The following ENPP2 variants were observed in gnomAD, a reference collection of about 807,000 sequenced individuals.
The protein encoded by ENPP2 is ectonucleotide pyrophosphatase/phosphodiesterase 2, also known as autotaxin.
A neutral mutation model predicts 120.2 loss-of-function variants in ENPP2; 51 were observed. The ratio of observed to expected loss-of-function variants is 0.42; its 90% CI spans 0.34 to 0.54. The LOEUF is 0.54. Among genes scored for constraint, ENPP2 ranks in the 20% least tolerant of loss-of-function variants. The pLI is 0.04. For synonymous variants in ENPP2, 365 were observed against 366.4 expected, an observed-to-expected ratio of 1.00 and a Z score of 0.04; for missense variants, 920 against 1,066.5, an observed-to-expected ratio of 0.86 and a Z score of 1.91.
At chr8:119,625,797 G>A (rs1372050524) in intron 3 of ENPP2, among the ~76,000 whole-genome samples, 1 of 152,144 alleles carries the variant, frequency 6.6e-6, no homozygotes, top group Non-Finnish European at 1.5e-5. Context: ...CCCCAGAGGT[G>A]TTTTTCTCAA....
chr8:119,626,004 A>G (rs1816247092), intron 3 of ENPP2, among the ~76,000 whole-genome samples: 2 of 152,194 alleles, frequency 1.3e-5, no homozygotes. Flanking sequence ...CTGTACGATA[A>G]GATGAAGTGA....
chr8:119,575,480 G>A (rs868295099), intron 19 of ENPP2, among the ~76,000 whole-genome samples: 20 of 152,114 alleles, frequency 1.3e-4, no homozygotes, highest in Admixed American at 1.2e-3. Context: ...GTTGAGCAAA[G>A]AGTCTCTCTA....
At chr8:119,630,115 T>G (rs1043013800) in intron 2 of ENPP2, among the ~76,000 whole-genome samples, 2 of 147,178 alleles carry the variant, frequency 1.4e-5, no homozygotes, top group South Asian at 4.2e-4. Context: ...ATTTCTTTCT[T>G]TTTTTTTTTT....
intron 23 of ENPP2, among the ~76,000 whole-genome samples, chr8:119,563,427 G>A (rs1304139781): frequency 1.3e-5 from 2 of 152,132 alleles, no homozygotes; most frequent in Non-Finnish European, 2.9e-5. Context: ...GCTAGGGAGT[G>A]TCATTCATTA....
intron 18 of ENPP2, 111 bp downstream of exon 18, chr8:119,582,307 T>C (rs1195291406): frequency 1.3e-6 from 1 of 793,978 alleles, no homozygotes; most frequent in African/African-American, 1.7e-5. Context: ...GTAGCTACCA[T>C]TTTGGACAGC....
chr8:119,597,041 C>T (rs563232905), intron 11 of ENPP2, among the ~76,000 whole-genome samples: 1 of 151,410 alleles, frequency 6.6e-6, no homozygotes, highest in Non-Finnish European at 1.5e-5. Flanking sequence ...CAGGAAGGGG[C>T]GGGAGGAGGA....
chr8:119,667,963 CT>C (rs1420563135), intron 1 of ENPP2, among the ~76,000 whole-genome samples: 4 of 152,152 alleles, frequency 2.6e-5, no homozygotes, highest in African/African-American at 9.7e-5. Flanking sequence ...ACTGACACCT[CT>C]GCTTGAAGCT....
intron 1 of ENPP2, 87 bp downstream of exon 1, chr8:119,638,661 T>A: frequency 9.5e-7 from 1 of 1,058,142 alleles, no homozygotes; most frequent in East Asian, 2.4e-5. Flanking sequence ...AGGTGCTATC[T>A]TAATTTGCAC....
At chr8:119,620,718 T>C (rs1429291839) in intron 4 of ENPP2, among the ~76,000 whole-genome samples, 1 of 152,230 alleles carries the variant, frequency 6.6e-6, no homozygotes, top group Non-Finnish European at 1.5e-5. Flanking sequence ...TTAACTATTG[T>C]TAATTGTTGG....
chr8:119,564,711 C>A (rs1814262436), intron 23 of ENPP2, 112 bp downstream of exon 23: 6 of 646,818 alleles, frequency 9.3e-6, no homozygotes, highest in Non-Finnish European at 1.4e-5. Context: ...TTGAAAAATT[C>A]AAAAAACTTA....
chr8:119,566,402 C>T (rs180738222), intron 22 of ENPP2, among the ~76,000 whole-genome samples: 24 of 152,346 alleles, frequency 1.6e-4, no homozygotes, highest in African/African-American at 4.3e-4. Context: ...CCATGCTTCT[C>T]ATACTGCTTC....
intron 13 of ENPP2, among the ~76,000 whole-genome samples, chr8:119,587,281 T>C (rs1413138665): frequency 2.6e-5 from 4 of 152,200 alleles, no homozygotes; most frequent in Non-Finnish European, 4.4e-5. Flanking sequence ...ACAAATCCTA[T>C]AGTAAACTGC....
At chr8:119,584,576 C>T (rs188642968) in intron 15 of ENPP2, among the ~76,000 whole-genome samples, 104 of 152,176 alleles carry the variant, frequency 6.8e-4, no homozygotes, top group African/African-American at 2.4e-3. Context: ...TATTTGCATG[C>T]AAATTTATCT....
In ENPP2 at chr8:119,568,259, AT is replaced by A. The variant is rs775165085; in HGVS notation, c.2054-8del. Reference sequence around the variant, plus strand: ...TCTGGTGAAGAGCTCAGATCTAAACATTAGGAAAACAAATAGTATACGTTGC... The same window carrying A: ...TCTGGTGAAGAGCTCAGATCTAAACATAGGAAAACAAATAGTATACGTTGC... On this transcript the variant is annotated splice_region_variant and splice_polypyrimidine_tract_variant and intron_variant, in intron 21 of 24. Coordinates refer to ENST00000075322, the MANE Select transcript of ENPP2 (RefSeq NM_001040092.3). 2.0e-6 allele frequency: 3 copies of A among 1,525,868 alleles called. No homozygotes were observed. The highest frequency in any genetic ancestry group is 2.3e-5 in the South Asian group (2 of 88,108). 94.5% of individuals were successfully genotyped at this position (1,525,868 alleles called of 1,614,324 possible).
intron 1 of ENPP2, among the ~76,000 whole-genome samples, chr8:119,672,197 C>A (rs996445839): frequency 6.6e-6 from 1 of 152,098 alleles, no homozygotes; most frequent in East Asian, 1.9e-4. Context: ...GGAAGAGGAG[C>A]AGAAAACTGA....
At position 119,595,950 on chromosome 8, in the gene ENPP2, A is replaced by G; in HGVS notation, c.973-2090T>C. On this transcript the variant is annotated intron_variant, in intron 11 of 24. Transcript: ENST00000075322. ...TCTTTCCTGTCTCCTCTTAGGGGCA[A>G]CTTTCCTCTTAGGTCTCTTAGCCGG... is the stretch of plus-strand genomic sequence containing the variant. 5.6e-6 allele frequency: 9 copies of G among 1,613,934 alleles called. No individual in the cohort carries two copies. Among genetic ancestry groups the G allele is most frequent in the Non-Finnish European group, 7.6e-6 (9 of 1,179,916 alleles).
chr8:119,562,806 C>T (rs377659144), intron 24 of ENPP2, 51 bp downstream of exon 24: 95 of 1,538,638 alleles, frequency 6.2e-5, no homozygotes, highest in South Asian at 4.5e-4. Flanking sequence ...AAGTAAGAAA[C>T]GAAGGTGAAC....
intron 8 of ENPP2, among the ~76,000 whole-genome samples, chr8:119,610,490 A>AAGAG (rs60632673): frequency 0.036 from 5,301 of 148,108 alleles, 285 homozygotes; most frequent in African/African-American, 0.12. Flanking sequence ...AAGGTTATAA[A>AAGAG]AGAGAGAGAG....
At chr8:119,560,553 T>A (rs779921410) in intron 24 of ENPP2, among the ~76,000 whole-genome samples, 163 of 152,352 alleles carry the variant, frequency 1.1e-3, no homozygotes, top group African/African-American at 3.9e-3. Context: ...AGTTCTCTCT[T>A]GCCTCACTCC....
Sources: allele counts gnomAD v4.1 joint callset (sites outside exome capture counted in the v4.1 genomes callset), GRCh38; gene constraint gnomAD v4.1.1; transcripts MANE v1.5; gene names NCBI Gene and HGNC (gene_info 2026-07-23, HGNC 2026-07-21).